ADGRV1: variants seen among roughly 807,000 people sequenced by gnomAD.
The protein encoded by ADGRV1 is G-protein coupled receptor 98.
A neutral mutation model predicts 596.2 loss-of-function variants in ADGRV1; 359 were observed. That is an observed-to-expected ratio of 0.60 (90% CI 0.55 to 0.66). ADGRV1 has a LOEUF of 0.66. Ranked by LOEUF, ADGRV1 falls within the 30% of genes least tolerant of loss-of-function variation. The probability of loss-of-function intolerance (pLI) is 0.00; values close to 1 mark genes in which losing one functional copy is unlikely to be tolerated. For synonymous variants in ADGRV1, 2,681 were observed against 2,679.2 expected (o/e 1.00, Z -0.02); for missense variants, 7,274 against 7,575.6 (o/e 0.96, Z 1.48).
chr5:90,679,105 A>T (rs962474844), intron 25 of ADGRV1, among the ~76,000 whole-genome samples: 1 of 152,158 alleles, frequency 6.6e-6, no homozygotes, highest in Non-Finnish European at 1.5e-5. Context: ...GAATGTGTGG[A>T]TGGAAGGAAA....
intron 87 of ADGRV1, among the ~76,000 whole-genome samples, chr5:91,132,318 G>T (rs75070602): frequency 0.045 from 6,778 of 152,126 alleles, 488 homozygotes; most frequent in African/African-American, 0.15. Flanking sequence ...TTATAAATTT[G>T]ATTTTTATTG....
At chr5:90,708,728 A>C (rs977267478) in intron 38 of ADGRV1, 88 bp from the exon 39 acceptor site, 1 of 808,380 alleles carries the variant, frequency 1.2e-6, no homozygotes, top group Non-Finnish European at 2.1e-6. Context: ...CTGTATACTA[A>C]TTATACAGTT....
chr5:90,609,998 T>C (rs1240737600), intron 1 of ADGRV1, among the ~76,000 whole-genome samples: 2 of 152,032 alleles, frequency 1.3e-5, no homozygotes, highest in African/African-American at 4.8e-5. Context: ...TTGTCTTCTA[T>C]TGGGTCCTAA....
intron 85 of ADGRV1, among the ~76,000 whole-genome samples, chr5:91,013,849 T>C (rs535104840): frequency 6.6e-6 from 1 of 152,166 alleles, no homozygotes; most frequent in African/African-American, 2.4e-5. Context: ...GGTTTTACAT[T>C]AAGTTTTTAA....
rs1484935325 is a variant in ADGRV1 at position 91,126,534 on chromosome 5, C to A, written c.18433-23496C>A. On this transcript the variant is annotated intron_variant, in intron 87 of 89. Transcript: ENST00000405460. ...GGGTAGAAGTAGAAATGAGGTCAGCCCCCCAGAGCAGTCTGGTGGCCTTGA... is the reference window on the plus strand; with the variant it reads ...GGGTAGAAGTAGAAATGAGGTCAGCACCCCAGAGCAGTCTGGTGGCCTTGA... Among the ~76,000 whole-genome samples the A allele has an allele frequency of 5.3e-5, 8 of 152,252 alleles. No homozygotes were observed. In the South Asian group the frequency reaches 1.0e-3, roughly 20 times the overall value.
At chr5:90,776,141 T>C in intron 60 of ADGRV1, among the ~76,000 whole-genome samples, 1 of 152,202 alleles carries the variant, frequency 6.6e-6, no homozygotes, top group East Asian at 1.9e-4. Flanking sequence ...AAATGGTTAC[T>C]GTAGAAACAA....
At chr5:91,052,591 CG>C (rs1786446269) in intron 85 of ADGRV1, among the ~76,000 whole-genome samples, 1 of 152,034 alleles carries the variant, frequency 6.6e-6, no homozygotes, top group Non-Finnish European at 1.5e-5. Context: ...CCCACCACCA[CG>C]CCTGGCTAAT....
At chr5:90,748,273 A>G (rs1433328593) in intron 52 of ADGRV1, among the ~76,000 whole-genome samples, 3 of 152,190 alleles carry the variant, frequency 2.0e-5, no homozygotes, top group Non-Finnish European at 4.4e-5. Flanking sequence ...CCTCTGAGGC[A>G]TCTCTGCCCA....
chr5:91,083,158 G>A (rs899281481), intron 86 of ADGRV1, among the ~76,000 whole-genome samples: 1 of 150,522 alleles, frequency 6.6e-6, no homozygotes, highest in Non-Finnish European at 1.5e-5. Flanking sequence ...ACCAAACACC[G>A]CATGTTCTCA....
intron 44 of ADGRV1, 27 bp downstream of exon 44, chr5:90,720,250 C>T (rs1259384355): frequency 1.4e-6 from 2 of 1,382,524 alleles, no homozygotes; most frequent in Non-Finnish European, 2.0e-6. Flanking sequence ...AGGAAATTAT[C>T]ACTTCTGAAG....
chr5:90,778,558 T>C lies in ADGRV1; in HGVS notation c.12798T>C (p.Tyr4266=). The C allele has an allele frequency of 6.2e-7, 1 of 1,611,234 alleles. No homozygotes were observed. Among genetic ancestry groups the C allele is most frequent in the Non-Finnish European group, 8.5e-7 (1 of 1,178,414 alleles). The change falls in exon 63 of 90, where the codon TAT becomes TAC. Residue 4266 remains tyrosine, a synonymous_variant. Coordinates refer to ENST00000405460, the MANE Select transcript of ADGRV1 (RefSeq NM_032119.4). ...CGGTGGTGGCCAGCGACTCTCCCTA[T>C]GGCCGATTTGCCTTTTCACATGAGC... ...NITVVASDSP[Y]GRFAFSHEQL... is the part of the protein sequence containing the mutation.
chr5:90,573,473 C>T (rs1268410676), intron 1 of ADGRV1, among the ~76,000 whole-genome samples: 1 of 152,148 alleles, frequency 6.6e-6, no homozygotes, highest in Non-Finnish European at 1.5e-5. Context: ...AAAACCTGTA[C>T]AGCATGCTAC....
At chr5:90,815,569 T>A (rs1261812358) in intron 74 of ADGRV1, 50 bp from the exon 75 acceptor site, 1 of 1,017,248 alleles carries the variant, frequency 9.8e-7, no homozygotes, top group East Asian at 2.6e-5. Flanking sequence ...GCATGGGAGG[T>A]CTTTTAAATA....
chr5:90,849,677 A>C (rs1766287190), intron 79 of ADGRV1, among the ~76,000 whole-genome samples: 1 of 152,208 alleles, frequency 6.6e-6, no homozygotes, highest in South Asian at 2.1e-4. Context: ...AGCGTGAGCC[A>C]CTGTGCCCAG....
rs967952334 is a variant in ADGRV1, at chr5:90,947,739, G to T, written c.17857-17676G>T. On this transcript the variant is annotated intron_variant, in intron 83 of 89. Transcript: ENST00000405460. ...CTACCTAAAAGTCTTATCAAACAAA[G>T]GTATGTTTATCCTCCAGGCACAGAG... Among the ~76,000 whole-genome samples the T allele has an allele frequency of 2.0e-5, 3 of 152,028 alleles. No individual in the cohort carries two copies. In the East Asian group the frequency reaches 5.8e-4, roughly 29 times the overall value.
intron 87 of ADGRV1, among the ~76,000 whole-genome samples, chr5:91,108,189 T>C (rs12109264): frequency 0.12 from 18,896 of 152,150 alleles, 1,337 homozygotes; most frequent in African/African-American, 0.2. Context: ...TTTATTTTGG[T>C]TCATTTAACT....
intron 27 of ADGRV1, 72 bp from the exon 28 acceptor site, chr5:90,683,514 T>C: frequency 8.5e-7 from 1 of 1,177,260 alleles, no homozygotes; most frequent in Non-Finnish European, 1.2e-6. Context: ...CTATCATTAA[T>C]GTATTTATAA....
intron 87 of ADGRV1, among the ~76,000 whole-genome samples, chr5:91,140,974 T>C (rs1032072229): frequency 6.6e-6 from 1 of 152,240 alleles, no homozygotes; most frequent in Non-Finnish European, 1.5e-5. Context: ...CATGTCCTAA[T>C]ACTTACCTTT....
At chr5:91,124,454 A>G (rs1332609164) in intron 87 of ADGRV1, among the ~76,000 whole-genome samples, 1 of 152,180 alleles carries the variant, frequency 6.6e-6, no homozygotes, top group East Asian at 1.9e-4. Flanking sequence ...GCCATCTGAT[A>G]TTGCTACATC....
Sources: allele counts gnomAD v4.1 joint callset (sites outside exome capture counted in the v4.1 genomes callset), GRCh38; gene constraint gnomAD v4.1.1; transcripts MANE v1.5; gene names NCBI Gene and HGNC (gene_info 2026-07-23, HGNC 2026-07-21).